Variants in ZNF808 observed in about 807,000 individuals in gnomAD.
The protein encoded by ZNF808 is zinc finger protein 808.
In ZNF808, 5 loss-of-function variants were observed where a neutral mutation model predicts 8.7. The observed-to-expected ratio is 0.58, with a 90% confidence interval of 0.30 to 1.21. The LOEUF (loss-of-function observed/expected upper bound fraction) is 1.21, where lower values mean the gene tolerates loss of function less well. Among genes scored for constraint, ZNF808 ranks in the 50% most tolerant of loss-of-function variants. The probability of loss-of-function intolerance (pLI) is 0.07; values close to 1 mark genes in which losing one functional copy is unlikely to be tolerated. For synonymous variants in ZNF808, 380 were observed against 366.0 expected (o/e 1.04, Z -0.44); for missense variants, 1,103 against 1,098.4 (o/e 1.00, Z -0.06).
intron 2 of ZNF808, among the ~76,000 whole-genome samples, chr19:52,541,952 T>C (rs923462749): frequency 1.3e-5 from 2 of 152,192 alleles, no homozygotes; most frequent in African/African-American, 2.4e-5. Context: ...AGAGTGACTG[T>C]GTACTTCTGG....
chr19:52,532,827 T>G (rs2059573283), intron 1 of ZNF808, 81 bp from the exon 2 acceptor site: 1 of 155,830 alleles, frequency 6.4e-6, no homozygotes, highest in Non-Finnish European at 1.5e-5. Context: ...TAAGTATTGT[T>G]TTTTGTGTCA....
At chr19:52,541,246 G>A (rs1333738069) in intron 2 of ZNF808, among the ~76,000 whole-genome samples, 1 of 150,726 alleles carries the variant, frequency 6.6e-6, no homozygotes, top group Non-Finnish European at 1.5e-5. Flanking sequence ...CACCCCGCCT[G>A]GCCTTTTTTT....
intron 2 of ZNF808, among the ~76,000 whole-genome samples, chr19:52,535,351 A>G (rs1291568479): frequency 6.8e-6 from 1 of 147,544 alleles, no homozygotes; most frequent in African/African-American, 2.5e-5. Context: ...AAAAAAAAAA[A>G]AAAAGAGAGA....
chr19:52,553,187 C>G lies in ZNF808; in HGVS notation c.271C>G (p.Gln91Glu). ...AGAAGTGATCCACACAGGGACATTG[C>G]AAAGACATCAAAGTTATCACATTGG... ...NREVIHTGTL[Q>E]RHQSYHIGDF... The change falls in exon 5 of 5, where the codon CAA becomes GAA. Residue 91 changes from glutamine to glutamate, a missense_variant. Gln to Glu is a conservative substitution (Grantham distance 29, BLOSUM62 2). Transcript: ENST00000359798. 6.2e-7 allele frequency: 1 copy of G among 1,613,036 alleles called. No individual in the cohort carries two copies. Among genetic ancestry groups the G allele is most frequent in the Non-Finnish European group, 8.5e-7 (1 of 1,179,630 alleles).
chr19:52,562,926 A>C (rs1216739518), intron 3 of ZNF808, among the ~76,000 whole-genome samples: 3 of 151,986 alleles, frequency 2.0e-5, no homozygotes, highest in Non-Finnish European at 4.4e-5. Context: ...GGTGCCTACC[A>C]CCGTGCCCAG....
chr19:52,551,556 A>G lies in ZNF808; in HGVS notation c.191-1551A>G, dbSNP rs534402814. Among the ~76,000 whole-genome samples the G allele has an allele frequency of 3.9e-5, 6 of 152,090 alleles. No homozygotes were observed. The East Asian group carries it at 5.8e-4, about 15-fold the overall frequency. ...AAGTTGTGGCTTTTTTCTTCAGAGG[A>G]AGTTGTTTAGAATTCTGCGGGCTGT... On this transcript the variant is annotated intron_variant, in intron 4 of 4. Transcript: ENST00000359798.
At chr19:52,534,259 T>A (rs528900014) in intron 2 of ZNF808, among the ~76,000 whole-genome samples, 1 of 152,144 alleles carries the variant, frequency 6.6e-6, no homozygotes, top group African/African-American at 2.4e-5. Context: ...GGATGAAGCT[T>A]GTTAGCTGAC....
chr19:52,552,649 G>A (rs545759008), intron 4 of ZNF808, among the ~76,000 whole-genome samples: 14 of 146,896 alleles, frequency 9.5e-5, no homozygotes, highest in African/African-American at 3.2e-4. Flanking sequence ...AGTGCTTTTG[G>A]TTATCCTTAC....
chr19:52,559,591 C>A (rs2059850026), downstream of ZNF808, among the ~76,000 whole-genome samples: 1 of 152,130 alleles, frequency 6.6e-6, no homozygotes, highest in Admixed American at 6.6e-5. Context: ...ATGTCTCTTT[C>A]TTTTCTCAAA....
chr19:52,553,951 T>G lies in ZNF808; in HGVS notation c.1035T>G (p.Cys345Trp). 6.2e-7 allele frequency: 1 copy of G among 1,614,192 alleles called. No homozygotes were observed. The highest frequency in any genetic ancestry group is 8.5e-7 in the Non-Finnish European group (1 of 1,180,036). The change falls in exon 5 of 5, where the codon TGT becomes TGG. Residue 345 changes from cysteine (C) to tryptophan (W), a missense_variant. Cys to Trp is a radical substitution (Grantham distance 215). Coordinates refer to ENST00000359798, the MANE Select transcript of ZNF808 (RefSeq NM_001039886.4). ...AIHTGEKPYK[C>W]NECGKAFNQQ... ...ATACTGGAGAGAAACCTTACAAGTG[T>G]AATGAATGTGGCAAGGCTTTTAATC...
intron 2 of ZNF808, among the ~76,000 whole-genome samples, chr19:52,541,343 G>T (rs2059668763): frequency 6.6e-6 from 1 of 151,470 alleles, no homozygotes; most frequent in African/African-American, 2.4e-5. Context: ...ATCTAGTTAG[G>T]TATTACAAGG....
At chr19:52,528,334 T>C (rs2059529534) in intron 1 of ZNF808, among the ~76,000 whole-genome samples, 2 of 152,170 alleles carry the variant, frequency 1.3e-5, no homozygotes, top group African/African-American at 4.8e-5. Flanking sequence ...TCCTCCGGGA[T>C]GCAGGCGTCT....
chr19:52,552,472 G>T (rs1216374054), intron 4 of ZNF808, among the ~76,000 whole-genome samples: 1 of 151,050 alleles, frequency 6.6e-6, no homozygotes, highest in Non-Finnish European at 1.5e-5. Flanking sequence ...GAGTGCAGTG[G>T]TGTGATCTTG....
At chr19:52,534,653 G>A (rs1479205239) in intron 2 of ZNF808, among the ~76,000 whole-genome samples, 1 of 141,288 alleles carries the variant, frequency 7.1e-6, no homozygotes, top group Non-Finnish European at 1.5e-5. Context: ...ACTTTGGGAG[G>A]CCGAGGCTGG....
At chr19:52,567,899 T>C (rs1484718145), downstream of ZNF808, among the ~76,000 whole-genome samples, 3 of 152,198 alleles carry the variant, frequency 2.0e-5, no homozygotes, top group African/African-American at 7.2e-5. Context: ...CTGAAGGACT[T>C]AGAATCTCTT....
At chr19:52,532,141 C>T (rs1349537647) in intron 1 of ZNF808, among the ~76,000 whole-genome samples, 1 of 152,150 alleles carries the variant, frequency 6.6e-6, no homozygotes, top group Non-Finnish European at 1.5e-5. Flanking sequence ...ATGGAACTGA[C>T]ACACTGCACT....
downstream of ZNF808, among the ~76,000 whole-genome samples, chr19:52,568,079 C>A (rs2059877060): frequency 6.6e-6 from 1 of 152,144 alleles, no homozygotes. Context: ...GCAACTTCTA[C>A]AAGTTTTCCT....
intron 3 of ZNF808, among the ~76,000 whole-genome samples, chr19:52,546,070 T>G (rs997417932): frequency 2.0e-5 from 3 of 152,256 alleles, no homozygotes; most frequent in African/African-American, 7.2e-5. Flanking sequence ...GTACAGATCT[T>G]TCTTCATGGG....
chr19:52,562,371 T>G (rs989386162), intron 3 of ZNF808, among the ~76,000 whole-genome samples: 7 of 151,484 alleles, frequency 4.6e-5, no homozygotes, highest in Non-Finnish European at 1.0e-4. Flanking sequence ...AGAGAAAAAC[T>G]CCATCTCAAA....
Sources: allele counts gnomAD v4.1 joint callset (sites outside exome capture counted in the v4.1 genomes callset), GRCh38; gene constraint gnomAD v4.1.1; transcripts MANE v1.5; gene names NCBI Gene and HGNC (gene_info 2026-07-23, HGNC 2026-07-21).